Variants in CDH13 observed in about 807,000 individuals in gnomAD.
CDH13 encodes cadherin 13.
In CDH13, 24 loss-of-function variants were observed where a neutral mutation model predicts 63.8. That is an observed-to-expected ratio of 0.38 (90% confidence interval 0.27 to 0.53). The LOEUF (loss-of-function observed/expected upper bound fraction) is 0.53, where lower values mean the gene tolerates loss of function less well. Ranked by LOEUF, CDH13 falls within the 20% of genes least tolerant of loss-of-function variation. CDH13 has a pLI of 0.85. For synonymous variants in CDH13, 503 were observed against 355.3 expected (o/e 1.42, Z -4.67); for missense variants, 1,049 against 903.1 (o/e 1.16, Z -2.07).
intron 1 of CDH13, among the ~76,000 whole-genome samples, chr16:82,632,833 C>T (rs1455599967): frequency 1.3e-5 from 2 of 151,900 alleles, no homozygotes; most frequent in South Asian, 2.1e-4. Context: ...TACTGGGAGC[C>T]CTGAGCTTGT....
At chr16:83,330,188 C>A (rs2090451216) in intron 5 of CDH13, among the ~76,000 whole-genome samples, 1 of 152,102 alleles carries the variant, frequency 6.6e-6, no homozygotes, top group Non-Finnish European at 1.5e-5. Context: ...ACTAAATAGA[C>A]ACACACATAC....
At chr16:82,723,563 G>A (rs1382793546) in intron 1 of CDH13, among the ~76,000 whole-genome samples, 1 of 152,134 alleles carries the variant, frequency 6.6e-6, no homozygotes, top group Admixed American at 6.5e-5. Flanking sequence ...TGGAAGAAGA[G>A]GATCTGGTGG....
intron 2 of CDH13, among the ~76,000 whole-genome samples, chr16:83,006,797 A>G (rs966064424): frequency 2.6e-5 from 4 of 152,254 alleles, no homozygotes; most frequent in African/African-American, 9.6e-5. Flanking sequence ...GATGTTTTAG[A>G]ATAGAATAAC....
At chr16:82,765,391 C>A (rs936797561) in intron 1 of CDH13, among the ~76,000 whole-genome samples, 2 of 152,154 alleles carry the variant, frequency 1.3e-5, no homozygotes, top group African/African-American at 4.8e-5. Context: ...CCATTCAGTG[C>A]CCAGCTCTAA....
At chr16:83,715,095 G>T (rs1908686448) in intron 10 of CDH13, among the ~76,000 whole-genome samples, 2 of 152,164 alleles carry the variant, frequency 1.3e-5, no homozygotes, top group Non-Finnish European at 2.9e-5. Context: ...ATTCGTTCAT[G>T]CATGCCTTTG....
intron 4 of CDH13, among the ~76,000 whole-genome samples, chr16:83,191,466 T>TATATATATATATATATATATGC (rs1567492932): frequency 3.4e-4 from 39 of 116,176 alleles, no homozygotes; most frequent in Non-Finnish European, 6.2e-4. Flanking sequence ...GAAATATATA[T>TATATATATATATATATATATGC]ATATATATAT....
At chr16:82,756,813 TGAGA>T (rs1323823805) in intron 1 of CDH13, among the ~76,000 whole-genome samples, 1 of 152,188 alleles carries the variant, frequency 6.6e-6, no homozygotes. Flanking sequence ...AAATTGATGA[TGAGA>T]GAGACAGACT....
intron 11 of CDH13, among the ~76,000 whole-genome samples, chr16:83,748,513 G>A (rs184137757): frequency 8.5e-5 from 13 of 152,290 alleles, no homozygotes; most frequent in East Asian, 3.9e-4. Flanking sequence ...TTGGGCAGGC[G>A]TGGAGGTTAG....
At chr16:83,267,349 A>C (rs1014520003) in intron 5 of CDH13, among the ~76,000 whole-genome samples, 9 of 152,090 alleles carry the variant, frequency 5.9e-5, no homozygotes, top group African/African-American at 2.2e-4. Flanking sequence ...TCCTCAGGCT[A>C]ATTCACTCCA....
chr16:82,633,851 C>A (rs1388165449), intron 1 of CDH13, among the ~76,000 whole-genome samples: 1 of 152,186 alleles, frequency 6.6e-6, no homozygotes, highest in Admixed American at 6.5e-5. Context: ...TGCCTCATCC[C>A]ATACCAGCAG....
chr16:82,936,205 T>C (rs868011958), intron 2 of CDH13, among the ~76,000 whole-genome samples: 20 of 152,174 alleles, frequency 1.3e-4, no homozygotes, highest in African/African-American at 4.8e-4. Flanking sequence ...CCAGCTTGCT[T>C]GTCTATGTCT....
At chr16:83,284,682 A>G (rs2089264987) in intron 5 of CDH13, among the ~76,000 whole-genome samples, 2 of 152,126 alleles carry the variant, frequency 1.3e-5, no homozygotes, top group South Asian at 4.1e-4. Context: ...ATAGCGTAAT[A>G]TAATAATATA....
intron 1 of CDH13, among the ~76,000 whole-genome samples, chr16:82,741,391 C>T (rs903768797): frequency 6.6e-6 from 1 of 152,212 alleles, no homozygotes; most frequent in East Asian, 1.9e-4. Context: ...AACGTCTGCA[C>T]ATCCTTCACT....
chr16:83,356,189 G>A (rs935917416), intron 6 of CDH13, among the ~76,000 whole-genome samples: 1 of 149,924 alleles, frequency 6.7e-6, no homozygotes, highest in South Asian at 2.1e-4. Context: ...TTCTTACACA[G>A]ATGAGTGAGT....
At chr16:82,917,789 C>A (rs1409862058) in intron 2 of CDH13, among the ~76,000 whole-genome samples, 1 of 151,958 alleles carries the variant, frequency 6.6e-6, no homozygotes, top group Non-Finnish European at 1.5e-5. Context: ...GTGGCTGGCG[C>A]CTGTTATCTC....
chr16:83,570,819 A>G lies in CDH13; in HGVS notation c.961-31635A>G, dbSNP rs919733322. ...ATATTTATAAATATATATATTTATA[A>G]ATATAAATAAAAATTTATATTTTTA... On this transcript the variant is annotated intron_variant, in intron 7 of 13. Transcript: ENST00000567109. Among the ~76,000 whole-genome samples the G allele has an allele frequency of 3.3e-5, 4 of 122,530 alleles. No individual in the cohort carries two copies. The East Asian group carries it at 6.7e-4, about 21-fold the overall frequency. The allele number at this position is 122,530 out of a possible 152,430, so 80.4% of individuals were successfully genotyped here. A position where few individuals can be genotyped will look rare whatever the true frequency, so the allele number is the denominator to read the frequency against.
chr16:83,677,706 A>C (rs73250479), intron 9 of CDH13, among the ~76,000 whole-genome samples: 11,459 of 152,236 alleles, frequency 0.075, 708 homozygotes, highest in African/African-American at 0.17. Flanking sequence ...ATCCACTGTG[A>C]TCACAGAGGC....
At chr16:83,486,302 G>C (rs148061543) in intron 6 of CDH13, among the ~76,000 whole-genome samples, 175 bp from the exon 7 acceptor site, 277 of 152,340 alleles carry the variant, frequency 1.8e-3, no homozygotes, top group Non-Finnish European at 3.2e-3. Context: ...ATGAAACAGA[G>C]AGGGAAAGGA....
At chr16:83,744,131 A>C (rs1912338002) in intron 10 of CDH13, among the ~76,000 whole-genome samples, 2 of 152,192 alleles carry the variant, frequency 1.3e-5, no homozygotes, top group Admixed American at 6.5e-5. Context: ...AGCTGGGCCC[A>C]AGGAAGCATT....
Sources: allele counts gnomAD v4.1 joint callset (sites outside exome capture counted in the v4.1 genomes callset), GRCh38; gene constraint gnomAD v4.1.1; transcripts MANE v1.5; gene names NCBI Gene and HGNC (gene_info 2026-07-23, HGNC 2026-07-21).